Variants in DOK5 observed in about 807,000 individuals in gnomAD.
DOK5 encodes docking protein 5, also known as downstream of tyrosine kinase 5.
Under a neutral mutation model 43.3 loss-of-function variants are expected in DOK5, and 27 were observed. That is an observed-to-expected ratio of 0.62 (90% CI 0.46 to 0.86). The LOEUF (loss-of-function observed/expected upper bound fraction) is 0.86, where lower values mean the gene tolerates loss of function less well. Ranked by LOEUF, DOK5 falls within the 40% of genes least tolerant of loss-of-function variation. The probability of loss-of-function intolerance (pLI) is 0.00; values close to 1 mark genes in which losing one functional copy is unlikely to be tolerated. For synonymous variants in DOK5, 146 were observed against 140.1 expected (o/e 1.04, Z -0.30); for missense variants, 373 against 392.9 (o/e 0.95, Z 0.43).
In DOK5 at chr20:54,475,968, A is replaced by G. The variant is rs200877470; in HGVS notation, c.22A>G (p.Ile8Val). The change falls in exon 1 of 8, where the codon ATA (isoleucine) becomes GTA (valine). Residue 8 changes from isoleucine to valine, a missense_variant. Ile to Val is a conservative substitution (Grantham distance 29). Coordinates refer to ENST00000262593, the MANE Select transcript of DOK5 (RefSeq NM_018431.5). This position sits in a 1 kb window ranked among gnomAD's most constrained non-coding sequence, Gnocchi z 4.2. MASNFNDIVKQGYVRIRS... is the reference protein window; with the variant it reads MASNFNDVVKQGYVRIRS... ...TGGGATGGCTTCCAATTTTAATGAC[A>G]TAGTGAAGCAAGGGTACGTGAGGAT... 4 of 1,613,446 alleles carry G rather than the reference A, an allele frequency of 2.5e-6. No individual in the cohort carries two copies. The highest frequency in any genetic ancestry group is 3.4e-6 in the Non-Finnish European group (4 of 1,179,928).
intron 1 of DOK5, among the ~76,000 whole-genome samples, chr20:54,491,263 T>A (rs930674670): frequency 6.6e-6 from 1 of 152,266 alleles, no homozygotes; most frequent in African/African-American, 2.4e-5. Flanking sequence ...TAGAATAGTA[T>A]CTGAGCACAC....
chr20:54,613,242 A>ATC (rs1196798475), intron 6 of DOK5, among the ~76,000 whole-genome samples: 3 of 146,808 alleles, frequency 2.0e-5, no homozygotes, highest in African/African-American at 7.5e-5. Flanking sequence ...CTCTCTCGCC[A>ATC]TCTCTCTCTC....
intron 2 of DOK5, among the ~76,000 whole-genome samples, chr20:54,573,497 C>A (rs1985356943): frequency 6.6e-6 from 1 of 151,938 alleles, no homozygotes; most frequent in Non-Finnish European, 1.5e-5. Flanking sequence ...ACCATCCTGG[C>A]TAATATGGTG....
At chr20:54,515,269 C>T (rs1983159831) in intron 1 of DOK5, among the ~76,000 whole-genome samples, 1 of 152,170 alleles carries the variant, frequency 6.6e-6, no homozygotes, top group African/African-American at 2.4e-5. Flanking sequence ...CCGCCTCGGC[C>T]TCCCAAAGTG....
At chr20:54,575,725 T>G (rs1985433285) in intron 2 of DOK5, among the ~76,000 whole-genome samples, 1 of 152,168 alleles carries the variant, frequency 6.6e-6, no homozygotes, top group South Asian at 2.1e-4. Context: ...ACAGGCCAAC[T>G]GTGTTATTTG....
intron 1 of DOK5, among the ~76,000 whole-genome samples, chr20:54,478,473 G>C (rs757233847): frequency 5.1e-4 from 77 of 152,210 alleles, no homozygotes; most frequent in Non-Finnish European, 5.6e-4. Context: ...GTAAGTTCAT[G>C]TTGAAATATG....
At chr20:54,579,358 TTG>T (rs151204252) in intron 2 of DOK5, among the ~76,000 whole-genome samples, 2 of 150,664 alleles carry the variant, frequency 1.3e-5, no homozygotes, top group African/African-American at 2.4e-5. Flanking sequence ...GTGTGTGTGC[TTG>T]TGTGTGTGTG....
At chr20:54,575,685 C>T (rs1449065825) in intron 2 of DOK5, among the ~76,000 whole-genome samples, 1 of 152,234 alleles carries the variant, frequency 6.6e-6, no homozygotes, top group Non-Finnish European at 1.5e-5. Flanking sequence ...AAATGATCCA[C>T]CCACCTTGGC....
At chr20:54,630,536 G>A (rs1266660097) in intron 6 of DOK5, among the ~76,000 whole-genome samples, 1 of 152,140 alleles carries the variant, frequency 6.6e-6, no homozygotes, top group East Asian at 1.9e-4. Context: ...AGAGATAAGG[G>A]TTGCTGATTT....
At chr20:54,569,651 G>A (rs1316477981) in intron 2 of DOK5, among the ~76,000 whole-genome samples, 1 of 152,168 alleles carries the variant, frequency 6.6e-6, no homozygotes, top group Non-Finnish European at 1.5e-5. Context: ...TACACCCACT[G>A]ACAGCTTATG....
intron 1 of DOK5, among the ~76,000 whole-genome samples, chr20:54,518,205 T>C (rs1983267070): frequency 6.6e-6 from 1 of 152,142 alleles, no homozygotes. Context: ...ACATGTGCCA[T>C]GTTGGTGTGC....
intron 1 of DOK5, among the ~76,000 whole-genome samples, chr20:54,550,082 T>C (rs1485052196): frequency 6.6e-6 from 1 of 151,510 alleles, no homozygotes; most frequent in African/African-American, 2.4e-5. Flanking sequence ...AATCTCCACC[T>C]GAAAAGGATT....
In DOK5 at chr20:54,574,261, C is replaced by A. The variant is rs373126918; in HGVS notation, c.175-14222C>A. Among the ~76,000 whole-genome samples the A allele has an allele frequency of 8.5e-5, 13 of 152,112 alleles. No individual in the cohort carries two copies. In the East Asian group the frequency reaches 2.5e-3, roughly 30 times the overall value. On this transcript the variant is annotated intron_variant, in intron 2 of 7. Coordinates refer to ENST00000262593, the MANE Select transcript of DOK5 (RefSeq NM_018431.5). The stretch of plus-strand genomic sequence containing the variant: ...CCTTCTCAATAGGACTAGATAGACA[C>A]CTGTATCCACCTCTGCTTGGTTTTC...
At chr20:54,566,148 T>G (rs1985091752) in intron 2 of DOK5, among the ~76,000 whole-genome samples, 1 of 144,120 alleles carries the variant, frequency 6.9e-6, no homozygotes, top group Non-Finnish European at 1.5e-5. Flanking sequence ...ATTTCTACAG[T>G]TTTTTTTTTC....
chr20:54,544,084 T>C (rs1402224801), intron 1 of DOK5, among the ~76,000 whole-genome samples: 3 of 152,222 alleles, frequency 2.0e-5, no homozygotes, highest in Non-Finnish European at 4.4e-5. Flanking sequence ...TGGATGCTTT[T>C]TAAGGATTTT....
At position 54,632,377 on chromosome 20, in the gene DOK5, G is replaced by A. The variant is rs149403357; in HGVS notation, c.736-11081G>A. Among the ~76,000 whole-genome samples, 15 of 152,292 alleles carry A rather than the reference G, an allele frequency of 9.8e-5. No individual in the cohort carries two copies. The East Asian group carries it at 2.7e-3, about 27-fold the overall frequency. On this transcript the variant is annotated intron_variant, in intron 6 of 7. Transcript: ENST00000262593. ...AGTCCAATATCAGATATTTAGATTT[G>A]AAAAGAAAATATGAATGCTTCTATT... is the stretch of plus-strand genomic sequence containing the variant.
intron 6 of DOK5, among the ~76,000 whole-genome samples, chr20:54,634,999 C>T (rs1978755746): frequency 6.6e-6 from 1 of 152,164 alleles, no homozygotes; most frequent in Admixed American, 6.5e-5. Context: ...TGGAAGAACT[C>T]CTGTTCTCTG....
intron 1 of DOK5, among the ~76,000 whole-genome samples, chr20:54,546,577 T>C (rs1325998792): frequency 7.1e-6 from 1 of 140,774 alleles, no homozygotes; most frequent in Non-Finnish European, 1.5e-5. Flanking sequence ...GGCCCCAGTG[T>C]GTGATGTTCC....
chr20:54,585,000 T>C (rs1259846167), intron 2 of DOK5, among the ~76,000 whole-genome samples: 1 of 152,220 alleles, frequency 6.6e-6, no homozygotes, highest in Non-Finnish European at 1.5e-5. Flanking sequence ...TTTATGTGAC[T>C]TGTAAATATC....
Sources: allele counts gnomAD v4.1 joint callset (sites outside exome capture counted in the v4.1 genomes callset), GRCh38; gene constraint gnomAD v4.1.1; non-coding constraint Gnocchi (gnomAD v3.1); transcripts MANE v1.5; gene names NCBI Gene and HGNC (gene_info 2026-07-23, HGNC 2026-07-21).